DLG2: variants seen among roughly 807,000 people sequenced by gnomAD.
DLG2 encodes the protein discs large MAGUK scaffold protein 2, also known as disks large homolog 2.
Under a neutral mutation model 132.5 loss-of-function variants are expected in DLG2, and 45 were observed. The ratio of observed to expected loss-of-function variants is 0.34; its 90% CI spans 0.27 to 0.44. The LOEUF (loss-of-function observed/expected upper bound fraction) is 0.44, where lower values mean the gene tolerates loss of function less well. Among genes scored for constraint, DLG2 ranks in the 20% least tolerant of loss-of-function variants. The probability of loss-of-function intolerance (pLI) is 1.00; values close to 1 mark genes in which losing one functional copy is unlikely to be tolerated. For missense variants in DLG2, 1,045 were observed against 1,196.9 expected, an observed-to-expected ratio of 0.87 and a Z score of 1.87; for synonymous variants, 424 against 419.6, an observed-to-expected ratio of 1.01 and a Z score of -0.13.
chr11:84,455,608 G>C (rs1428129156), intron 7 of DLG2, among the ~76,000 whole-genome samples: 3 of 151,088 alleles, frequency 2.0e-5, no homozygotes. Context: ...GAAAAATGTG[G>C]AAGTGAAAAA....
At chr11:85,023,387 T>C (rs546579601) in intron 6 of DLG2, among the ~76,000 whole-genome samples, 3 of 152,172 alleles carry the variant, frequency 2.0e-5, no homozygotes, top group South Asian at 4.1e-4. Flanking sequence ...TAAATAACAG[T>C]TATTACCAAC....
At chr11:84,382,733 T>C (rs1258120545) in intron 7 of DLG2, among the ~76,000 whole-genome samples, 2 of 152,100 alleles carry the variant, frequency 1.3e-5, no homozygotes, top group Non-Finnish European at 2.9e-5. Flanking sequence ...TTAAAACTCA[T>C]ATATCACCTG....
chr11:85,454,569 C>T (rs1031510049), intron 3 of DLG2, among the ~76,000 whole-genome samples: 6 of 152,020 alleles, frequency 3.9e-5, no homozygotes, highest in Non-Finnish European at 5.9e-5. Context: ...ATTTTTGTTG[C>T]AATTGCTTTT....
intron 6 of DLG2, among the ~76,000 whole-genome samples, chr11:85,055,759 C>T (rs2063388365): frequency 6.6e-6 from 1 of 152,124 alleles, no homozygotes. Flanking sequence ...GAACTTTCAA[C>T]AATCACACGA....
At position 85,002,556 on chromosome 11, in the gene DLG2, A is replaced by G. The variant is rs950495681; in HGVS notation, c.357+109105T>C. 5.3e-5 allele frequency among the ~76,000 whole-genome samples: 8 copies of G among 152,272 alleles called. No individual in the cohort carries two copies. The East Asian group carries it at 1.5e-3, about 29-fold the overall frequency. On this transcript the variant is annotated intron_variant, in intron 6 of 27. Transcript: ENST00000376104. Reference sequence around the variant, plus strand: ...TTTATCATCATCTAAAAGTACTGGTAGAACCATGTGCTGGTTTACCTGGAT... The same window carrying G: ...TTTATCATCATCTAAAAGTACTGGTGGAACCATGTGCTGGTTTACCTGGAT...
chr11:85,361,505 T>A (rs1295183752), intron 3 of DLG2, among the ~76,000 whole-genome samples: 1 of 152,206 alleles, frequency 6.6e-6, no homozygotes, highest in East Asian at 1.9e-4. Context: ...CCACTCTGCA[T>A]GTCCATGTGT....
intron 14 of DLG2, among the ~76,000 whole-genome samples, chr11:83,948,099 A>G (rs2084515386): frequency 6.6e-6 from 1 of 152,236 alleles, no homozygotes; most frequent in South Asian, 2.1e-4. Context: ...CATTTATTTC[A>G]GCTATTTCGT....
intron 19 of DLG2, among the ~76,000 whole-genome samples, chr11:83,584,790 T>A (rs2097053257): frequency 6.6e-6 from 1 of 152,162 alleles, no homozygotes; most frequent in African/African-American, 2.4e-5. Context: ...AATGGAGGCA[T>A]AAAGCAGATT....
chr11:84,417,016 T>C (rs2098932030), intron 7 of DLG2, among the ~76,000 whole-genome samples: 1 of 152,162 alleles, frequency 6.6e-6, no homozygotes, highest in African/African-American at 2.4e-5. Flanking sequence ...AAAAGCCTAT[T>C]TAATATTTGA....
At chr11:85,058,088 T>C (rs896624399) in intron 6 of DLG2, among the ~76,000 whole-genome samples, 1 of 151,388 alleles carries the variant, frequency 6.6e-6, no homozygotes, top group African/African-American at 2.4e-5. Context: ...AGAAAAAAAT[T>C]AGAAGAGACC....
intron 3 of DLG2, among the ~76,000 whole-genome samples, chr11:85,333,372 C>T (rs918484862): frequency 2.0e-5 from 3 of 152,162 alleles, no homozygotes; most frequent in African/African-American, 7.2e-5. Flanking sequence ...GGTATAAAAT[C>T]ATATCATCTG....
intron 19 of DLG2, among the ~76,000 whole-genome samples, chr11:83,617,371 C>T (rs1432048): frequency 0.19 from 28,452 of 151,916 alleles, 2,810 homozygotes; most frequent in African/African-American, 0.19. Flanking sequence ...CAGTTCTATT[C>T]CTATGACTTT....
intron 19 of DLG2, among the ~76,000 whole-genome samples, chr11:83,571,698 G>A (rs749095270): frequency 1.4e-4 from 21 of 152,060 alleles, no homozygotes; most frequent in African/African-American, 2.9e-4. Flanking sequence ...ACTGATGAGC[G>A]GACTGAAACT....
intron 8 of DLG2, among the ~76,000 whole-genome samples, chr11:84,183,574 G>A (rs1438455563): frequency 1.3e-5 from 2 of 151,948 alleles, no homozygotes; most frequent in Non-Finnish European, 2.9e-5. Context: ...CAATAGAAAT[G>A]TTTCTTTTTT....
intron 6 of DLG2, among the ~76,000 whole-genome samples, chr11:84,669,183 T>G (rs2099703058): frequency 1.3e-5 from 2 of 151,436 alleles, no homozygotes; most frequent in South Asian, 4.2e-4. Flanking sequence ...AAAAGGGGAG[T>G]TGGGGTCTGG....
chr11:85,481,021 T>C (rs148361222), intron 3 of DLG2, among the ~76,000 whole-genome samples: 116 of 152,370 alleles, frequency 7.6e-4, no homozygotes, highest in African/African-American at 2.6e-3. Context: ...AAGTCACTTA[T>C]TCAACTTATC....
At chr11:83,666,118 A>T (rs1182388334) in intron 18 of DLG2, among the ~76,000 whole-genome samples, 1 of 152,170 alleles carries the variant, frequency 6.6e-6, no homozygotes, top group African/African-American at 2.4e-5. Context: ...TTTTATACAG[A>T]ACTATTTTCA....
chr11:85,224,692 T>C (rs186338683), intron 4 of DLG2, among the ~76,000 whole-genome samples: 2 of 152,296 alleles, frequency 1.3e-5, no homozygotes, highest in East Asian at 1.9e-4. Flanking sequence ...ATTTTCAAAA[T>C]TGTATAATAA....
intron 4 of DLG2, among the ~76,000 whole-genome samples, chr11:85,208,367 ACT>A (rs1341879297): frequency 6.6e-6 from 1 of 151,884 alleles, no homozygotes; most frequent in Admixed American, 6.6e-5. Flanking sequence ...TTCAAATTTC[ACT>A]CTCTCTTCCA....
Sources: allele counts gnomAD v4.1 joint callset (sites outside exome capture counted in the v4.1 genomes callset), GRCh38; gene constraint gnomAD v4.1.1; transcripts MANE v1.5; gene names NCBI Gene and HGNC (gene_info 2026-07-23, HGNC 2026-07-21).